Variants in STAU2 observed in about 807,000 individuals in gnomAD.
STAU2 encodes double-stranded RNA-binding protein Staufen homolog 2.
A neutral mutation model predicts 65.9 loss-of-function variants in STAU2; 20 were observed. The ratio of observed to expected loss-of-function variants is 0.30; its 90% CI spans 0.21 to 0.44. The LOEUF is 0.44. Among genes scored for constraint, STAU2 ranks in the 20% least tolerant of loss-of-function variants. The pLI, the probability that STAU2 is intolerant of heterozygous loss-of-function variation, is 1.00. For synonymous variants in STAU2, 232 were observed against 233.9 expected (o/e 0.99, Z 0.07); for missense variants, 558 against 683.9 (o/e 0.82, Z 2.05).
intron 12 of STAU2, among the ~76,000 whole-genome samples, chr8:73,568,832 C>T (rs1462419312): frequency 2.0e-5 from 3 of 152,148 alleles, no homozygotes; most frequent in Non-Finnish European, 4.4e-5. Flanking sequence ...CAGAAGATAA[C>T]TTAAAAGAAA....
chr8:73,488,201 A>G (rs1355326133), intron 13 of STAU2, among the ~76,000 whole-genome samples: 1 of 152,108 alleles, frequency 6.6e-6, no homozygotes, highest in Non-Finnish European at 1.5e-5. Flanking sequence ...ACTTGTAAAC[A>G]TAATTTCAAA....
intron 11 of STAU2, among the ~76,000 whole-genome samples, chr8:73,586,465 C>T (rs61677728): frequency 0.015 from 2,307 of 151,968 alleles, 59 homozygotes; most frequent in African/African-American, 0.051. Context: ...CTCTGGATAC[C>T]AGGCATAGTT....
chr8:73,436,538 C>A (rs2128886685), intron 13 of STAU2, among the ~76,000 whole-genome samples: 1 of 150,736 alleles, frequency 6.6e-6, no homozygotes, highest in South Asian at 2.1e-4. Flanking sequence ...TCATCCATCA[C>A]CCAGATGAAT....
At chr8:73,579,613 GT>G (rs1167332326) in intron 12 of STAU2, among the ~76,000 whole-genome samples, 1 of 152,058 alleles carries the variant, frequency 6.6e-6, no homozygotes. Context: ...TAAAAATCTA[GT>G]TTTTTATGTG....
At chr8:73,475,241 C>T (rs1820255029) in intron 13 of STAU2, among the ~76,000 whole-genome samples, 1 of 152,082 alleles carries the variant, frequency 6.6e-6, no homozygotes, top group Non-Finnish European at 1.5e-5. Context: ...CTGATGTACA[C>T]TTTTCTGCAG....
At chr8:73,742,192 T>A (rs1806932273) in intron 1 of STAU2, 2 of 985,048 alleles carry the variant, frequency 2.0e-6, no homozygotes, top group East Asian at 2.3e-4. Flanking sequence ...TATCAAGACA[T>A]ATCAATAAAA....
intron 6 of STAU2, among the ~76,000 whole-genome samples, chr8:73,638,239 C>T (rs1814695652): frequency 6.6e-6 from 1 of 151,386 alleles, no homozygotes; most frequent in Non-Finnish European, 1.5e-5. Context: ...ATTAAATACC[C>T]ACAAAAATAA....
intron 3 of STAU2, among the ~76,000 whole-genome samples, chr8:73,711,711 A>G (rs907874202): frequency 2.0e-5 from 3 of 152,132 alleles, no homozygotes; most frequent in African/African-American, 7.2e-5. Context: ...AATGTTAACA[A>G]ATAACATGGT....
At position 73,635,168 on chromosome 8, in the gene STAU2, G is replaced by A. The variant is rs543779521; in HGVS notation, c.411-17717C>T. Among the ~76,000 whole-genome samples, 18 of 152,206 alleles carry A rather than the reference G, an allele frequency of 1.2e-4. No individual in the cohort carries two copies. In the East Asian group the frequency reaches 3.1e-3, roughly 26 times the overall value. On this transcript the variant is annotated intron_variant, in intron 6 of 14. Transcript: ENST00000524300. The stretch of plus-strand genomic sequence containing the variant: ...AAATCACACAGTGGGATACTAAACC[G>A]TTCTTAAATAAATAAAGCAGTAACC...
At chr8:73,483,049 C>A (rs1311211465) in intron 13 of STAU2, among the ~76,000 whole-genome samples, 1 of 76,746 alleles carries the variant, frequency 1.3e-5, no homozygotes, top group Admixed American at 1.7e-4. Context: ...AAGCCCCATA[C>A]ACATCAGTGG....
At chr8:73,467,348 C>G (rs149078232) in intron 13 of STAU2, among the ~76,000 whole-genome samples, 18 of 152,168 alleles carry the variant, frequency 1.2e-4, no homozygotes, top group African/African-American at 4.3e-4. Context: ...CTGGCTAACA[C>G]GATGAAACCC....
chr8:73,591,901 A>G lies in STAU2; in HGVS notation c.1161+3265T>C, dbSNP rs868082819. On this transcript the variant is annotated intron_variant, in intron 11 of 14. Coordinates refer to ENST00000524300, the MANE Select transcript of STAU2 (RefSeq NM_001164380.2). ...CAGAGGTAAAAAAAAAAAAAAAAAAAAAAAAAAAAAAAACAAGAGAGAGAC... is the reference window on the plus strand; with the variant it reads ...CAGAGGTAAAAAAAAAAAAAAAAAAGAAAAAAAAAAAAACAAGAGAGAGAC... 2.2e-4 allele frequency among the ~76,000 whole-genome samples: 31 copies of G among 142,072 alleles called. 1 individual carries two copies. Among genetic ancestry groups the G allele is most frequent in the African/African-American group, 7.9e-4 (31 of 39,054 alleles). The allele number at this position is 142,072 out of a possible 152,430, so 93.2% of individuals were successfully genotyped here.
Position 73,533,821 on chromosome 8 carries a change from C to T in STAU2, c.1530+18191G>A, listed in dbSNP as rs78857596. Among the ~76,000 whole-genome samples, 490 of 152,096 alleles carry T rather than the reference C, an allele frequency of 3.2e-3. 3 individuals carry two copies. Among genetic ancestry groups the T allele is most frequent in the Non-Finnish European group, 3.1e-3 (209 of 68,000 alleles). ...CATGCTGTTTTGAAAATATGAGGGG[C>T]CATCCAAATAAAAATTTAAATTTCC... On this transcript the variant is annotated intron_variant, in intron 13 of 14. Transcript: ENST00000524300.
intron 6 of STAU2, among the ~76,000 whole-genome samples, chr8:73,667,141 C>G (rs1335683431): frequency 2.0e-5 from 3 of 152,128 alleles, no homozygotes; most frequent in African/African-American, 7.2e-5. Flanking sequence ...TTCTAAATAT[C>G]TATAGACACT....
At chr8:73,741,149 C>G (rs1350404820) in intron 1 of STAU2, among the ~76,000 whole-genome samples, 1 of 149,086 alleles carries the variant, frequency 6.7e-6, no homozygotes, top group Admixed American at 6.7e-5. Context: ...ACTAAAAATA[C>G]AAAATATTAG....
At position 73,613,904 on chromosome 8, in the gene STAU2, G is replaced by A; in HGVS notation, c.731C>T (p.Ser244Leu). Residue 244 changes from serine to leucine, a missense_variant, in exon 9 of 15, where the codon TCA becomes TTA. Ser to Leu is a moderately radical substitution (Grantham distance 145). Coordinates refer to ENST00000524300, the MANE Select transcript of STAU2 (RefSeq NM_001164380.2). The part of the protein sequence containing the change: ...PHMKSFVTRV[S>L]VGEFSAEGEG... ...TCCTTCTGCAGAGAACTCTCCTACT[G>A]ACACTCGAGTAACAAAGCTTTTCAT... 2.5e-6 allele frequency: 4 copies of A among 1,613,400 alleles called. No homozygotes were observed. The highest frequency in any genetic ancestry group is 3.4e-6 in the Non-Finnish European group (4 of 1,179,838).
At chr8:73,636,880 A>C (rs1814561971) in intron 6 of STAU2, among the ~76,000 whole-genome samples, 1 of 151,506 alleles carries the variant, frequency 6.6e-6, no homozygotes, top group African/African-American at 2.4e-5. Flanking sequence ...AAAAAAAAGG[A>C]ACTAACAGCA....
At chr8:73,526,330 C>T (rs1429953948) in intron 13 of STAU2, among the ~76,000 whole-genome samples, 1 of 152,206 alleles carries the variant, frequency 6.6e-6, no homozygotes, top group Admixed American at 6.6e-5. Flanking sequence ...ATTACATGAT[C>T]TTCCCTAAAT....
intron 1 of STAU2, among the ~76,000 whole-genome samples, chr8:73,742,722 T>C (rs1236574895): frequency 6.6e-6 from 1 of 151,944 alleles, no homozygotes; most frequent in South Asian, 2.1e-4. Context: ...AGCAGGATTA[T>C]AGGGAGACGG....
Sources: gnomAD v4.1 joint callset for allele counts (sites outside exome capture counted in the v4.1 genomes callset) on GRCh38, gnomAD v4.1.1 for gene constraint, MANE v1.5 for transcripts, NCBI Gene and HGNC (gene_info 2026-07-23, HGNC 2026-07-21) for gene names.